Variants in ARMC3 observed in about 807,000 individuals in gnomAD.
The protein encoded by ARMC3 is armadillo repeat-containing protein 3.
In ARMC3, 74 loss-of-function variants were observed where a neutral mutation model predicts 90.3. The observed-to-expected ratio is 0.82, with a 90% CI of 0.68 to 0.99. The LOEUF is 0.99. Among genes scored for constraint, ARMC3 ranks in the 50% least tolerant of loss-of-function variants. The pLI is 0.00. For missense variants in ARMC3, 958 were observed against 1,042.8 expected, an observed-to-expected ratio of 0.92 and a Z score of 1.12; for synonymous variants, 334 against 361.8, an observed-to-expected ratio of 0.92 and a Z score of 0.87.
intron 3 of ARMC3, among the ~76,000 whole-genome samples, chr10:22,952,307 A>AAAT (rs984696768): frequency 4.1e-4 from 63 of 152,210 alleles, no homozygotes; most frequent in African/African-American, 1.4e-3. Flanking sequence ...TTGATAGACA[A>AAAT]AATAAGAGAG....
At chr10:22,962,418 A>T (rs1447459707) in intron 7 of ARMC3, among the ~76,000 whole-genome samples, 1 of 152,204 alleles carries the variant, frequency 6.6e-6, no homozygotes, top group Non-Finnish European at 1.5e-5. Flanking sequence ...CCTTTTAATA[A>T]TATTGGAGCT....
At chr10:22,968,944 A>C (rs181456622) in intron 8 of ARMC3, among the ~76,000 whole-genome samples, 13 of 152,310 alleles carry the variant, frequency 8.5e-5, no homozygotes, top group Admixed American at 7.9e-4. Context: ...ACTTCCAATG[A>C]GTTAGAGATT....
At chr10:22,957,616 A>G (rs572608001) in intron 4 of ARMC3, among the ~76,000 whole-genome samples, 35 of 152,124 alleles carry the variant, frequency 2.3e-4, no homozygotes, top group Non-Finnish European at 3.8e-4. Context: ...TGCTATTGAT[A>G]TATTAAATCA....
intron 5 of ARMC3, 55 bp downstream of exon 5, chr10:22,959,193 A>C: frequency 6.9e-7 from 1 of 1,454,552 alleles, no homozygotes; most frequent in East Asian, 2.3e-5. Context: ...TTTACACTTG[A>C]TTAAACTATA....
intron 10 of ARMC3, among the ~76,000 whole-genome samples, chr10:22,996,821 G>T (rs1457652056): frequency 6.6e-6 from 1 of 152,096 alleles, no homozygotes; most frequent in Non-Finnish European, 1.5e-5. Flanking sequence ...TTTTCTTGAG[G>T]TTGTGAGTCC....
At chr10:23,014,625 A>G (rs1049318688) in intron 16 of ARMC3, 1 of 469,248 alleles carries the variant, frequency 2.1e-6, no homozygotes, top group Non-Finnish European at 2.8e-6. Flanking sequence ...CAGCCACAAA[A>G]AAGAGTGAGA....
At chr10:23,032,602 G>A (rs995624788) in intron 17 of ARMC3, among the ~76,000 whole-genome samples, 6 of 151,956 alleles carry the variant, frequency 3.9e-5, no homozygotes, top group Admixed American at 6.6e-5. Flanking sequence ...TAAGTATTGG[G>A]AAAAATCAGC....
chr10:23,011,287 C>T (rs1223231335), intron 16 of ARMC3, among the ~76,000 whole-genome samples: 2 of 152,210 alleles, frequency 1.3e-5, no homozygotes, highest in Non-Finnish European at 2.9e-5. Flanking sequence ...AAGTTCCACA[C>T]TTATAAATGA....
intron 3 of ARMC3, among the ~76,000 whole-genome samples, chr10:22,948,143 G>T (rs2131196538): frequency 6.6e-6 from 1 of 152,240 alleles, no homozygotes; most frequent in African/African-American, 2.4e-5. Flanking sequence ...TACTCACCTT[G>T]CTTTGTCACT....
At chr10:22,956,368 C>T (rs1222775772) in intron 4 of ARMC3, among the ~76,000 whole-genome samples, 1 of 152,016 alleles carries the variant, frequency 6.6e-6, no homozygotes, top group Non-Finnish European at 1.5e-5. Flanking sequence ...GTGCGTTTAC[C>T]AAGGTAGGTG....
Position 23,008,351 on chromosome 10 carries a change from A to T in ARMC3, c.1905A>T (p.Arg635Ser). The T allele has an allele frequency of 6.7e-7, 1 of 1,503,142 alleles. No homozygotes were observed. The highest frequency in any genetic ancestry group is 9.1e-7 in the Non-Finnish European group (1 of 1,096,420). 93.1% of individuals were successfully genotyped at this position (1,503,142 alleles called of 1,614,324 possible). Reference sequence around the variant, plus strand: ...GTATTTCTTCTTCATCTTCCTTAAGAAGATCAAGTAAAGAAAAGAACAAGT... The same window carrying T: ...GTATTTCTTCTTCATCTTCCTTAAGTAGATCAAGTAAAGAAAAGAACAAGT... ...GRSISSSSSL[R>S]RSSKEKNKKN... The change falls in exon 15 of 19, where the codon AGA (arginine) becomes AGT (serine). Residue 635 changes from arginine to serine, a missense_variant. By Grantham distance (110) the Arg-to-Ser change is moderately radical. Transcript: ENST00000298032.
chr10:22,944,240 G>A (rs1417398086), intron 2 of ARMC3, among the ~76,000 whole-genome samples: 1 of 152,134 alleles, frequency 6.6e-6, no homozygotes, highest in Non-Finnish European at 1.5e-5. Flanking sequence ...GAGAAGGAAA[G>A]GTATAGGTCA....
chr10:22,956,267 T>C (rs1407820410), intron 4 of ARMC3, among the ~76,000 whole-genome samples: 2 of 152,252 alleles, frequency 1.3e-5, no homozygotes, highest in African/African-American at 2.4e-5. Context: ...TTACATTTCA[T>C]GTATATTTCA....
intron 3 of ARMC3, among the ~76,000 whole-genome samples, chr10:22,952,191 GAT>G (rs780610898): frequency 1.7e-4 from 26 of 151,956 alleles, no homozygotes; most frequent in Non-Finnish European, 3.2e-4. Flanking sequence ...GGATATAATA[GAT>G]ATCTCAGTAT....
intron 10 of ARMC3, among the ~76,000 whole-genome samples, chr10:22,996,913 T>C (rs1202436904): frequency 6.8e-6 from 1 of 147,644 alleles, no homozygotes; most frequent in Non-Finnish European, 1.5e-5. Context: ...CTGAATCATA[T>C]AGCTTCAGTT....
chr10:22,964,355 A>G (rs1169280845), intron 7 of ARMC3, among the ~76,000 whole-genome samples: 1 of 151,722 alleles, frequency 6.6e-6, no homozygotes, highest in Non-Finnish European at 1.5e-5. Flanking sequence ...ATGATTATTG[A>G]TTTGGTTATA....
chr10:22,955,795 G>C lies in ARMC3; in HGVS notation c.167-12G>C. On this transcript the variant is annotated splice_polypyrimidine_tract_variant and intron_variant, in intron 3 of 18. Transcript: ENST00000298032. Reference sequence around the variant, plus strand: ...ATATCCATGTGTGGTTTTGTTTTACGTGTGATGTCAGGTGAGGAAAATAAA... The same window carrying C: ...ATATCCATGTGTGGTTTTGTTTTACCTGTGATGTCAGGTGAGGAAAATAAA... 1 of 1,613,314 alleles carries C rather than the reference G, an allele frequency of 6.2e-7. No homozygotes were observed.
At chr10:23,010,929 C>CCCCT (rs1837976343) in intron 16 of ARMC3, among the ~76,000 whole-genome samples, 2 of 52,358 alleles carry the variant, frequency 3.8e-5, no homozygotes. Flanking sequence ...CCTTCCCTCC[C>CCCCT]CCTTCCTTCC....
chr10:23,017,250 T>A (rs1191864249), intron 16 of ARMC3, among the ~76,000 whole-genome samples: 2 of 152,168 alleles, frequency 1.3e-5, no homozygotes, highest in Non-Finnish European at 2.9e-5. Flanking sequence ...AGTATAAAAC[T>A]TTTTGTACTT....
Sources: gnomAD v4.1 joint callset for allele counts (sites outside exome capture counted in the v4.1 genomes callset) on GRCh38, gnomAD v4.1.1 for gene constraint, MANE v1.5 for transcripts, NCBI Gene and HGNC (gene_info 2026-07-23, HGNC 2026-07-21) for gene names.